SOX6: variants seen among roughly 807,000 people sequenced by gnomAD.
The protein encoded by SOX6 is SRY-box transcription factor 6.
In SOX6, 11 loss-of-function variants were observed where a neutral mutation model predicts 97.8. The ratio of observed to expected loss-of-function variants is 0.11; its 90% CI spans 0.07 to 0.19. The LOEUF (loss-of-function observed/expected upper bound fraction) is 0.19. Among genes scored for constraint, SOX6 ranks in the 10% least tolerant of loss-of-function variants. The pLI, the probability that SOX6 is intolerant of heterozygous loss-of-function variation, is 1.00. For missense variants in SOX6, 810 were observed against 1,039.5 expected (o/e 0.78, Z 3.04); for synonymous variants, 360 against 371.4 (o/e 0.97, Z 0.35).
intron 4 of SOX6, among the ~76,000 whole-genome samples, chr11:16,537,056 C>T (rs942759928): frequency 1.3e-5 from 2 of 152,104 alleles, no homozygotes; most frequent in Non-Finnish European, 2.9e-5. Flanking sequence ...CAGTAGAGGC[C>T]GACAGACACC....
At chr11:16,152,123 C>G (rs1850475114) in intron 6 of SOX6, among the ~76,000 whole-genome samples, 1 of 152,126 alleles carries the variant, frequency 6.6e-6, no homozygotes, top group South Asian at 2.1e-4. Flanking sequence ...AAAACATGTT[C>G]TTTCACCCAC....
chr11:16,599,981 G>A (rs1360235245), intron 4 of SOX6, among the ~76,000 whole-genome samples: 2 of 152,184 alleles, frequency 1.3e-5, no homozygotes, highest in African/African-American at 2.4e-5. Flanking sequence ...TAATGAGGGG[G>A]TAGCTCAAAA....
intron 1 of SOX6, among the ~76,000 whole-genome samples, chr11:16,410,350 T>C (rs1161233871): frequency 1.3e-5 from 2 of 152,078 alleles, no homozygotes; most frequent in Non-Finnish European, 2.9e-5. Context: ...GTGTAGGTCA[T>C]GACAGGCTCT....
chr11:16,310,345 C>G (rs1300198727), intron 3 of SOX6, among the ~76,000 whole-genome samples: 1 of 151,930 alleles, frequency 6.6e-6, no homozygotes, highest in African/African-American at 2.4e-5. Context: ...ATACTTAACA[C>G]GAAAATAGAC....
At chr11:16,320,602 G>A (rs1008150715) in intron 2 of SOX6, among the ~76,000 whole-genome samples, 1 of 152,030 alleles carries the variant, frequency 6.6e-6, no homozygotes, top group African/African-American at 2.4e-5. Context: ...CTTGAAGGAA[G>A]GAACAGATTT....
chr11:16,141,599 G>A (rs1395974384), intron 6 of SOX6, among the ~76,000 whole-genome samples: 1 of 152,154 alleles, frequency 6.6e-6, no homozygotes, highest in Non-Finnish European at 1.5e-5. Context: ...AGGGGTCAGG[G>A]AATTCCCTTT....
intron 3 of SOX6, among the ~76,000 whole-genome samples, chr11:16,304,790 C>G (rs753579141): frequency 3.9e-5 from 6 of 151,996 alleles, no homozygotes; most frequent in African/African-American, 9.7e-5. Context: ...TAGATAATCA[C>G]GTGATTTGCA....
At chr11:16,361,235 C>A (rs1426727338), upstream of SOX6, among the ~76,000 whole-genome samples, 1 of 152,106 alleles carries the variant, frequency 6.6e-6, no homozygotes, top group Non-Finnish European at 1.5e-5. Context: ...GAAGCCCATG[C>A]AGTCTCACTT....
chr11:16,622,567 A>G (rs1044523622), intron 3 of SOX6, among the ~76,000 whole-genome samples: 2 of 152,200 alleles, frequency 1.3e-5, no homozygotes, highest in East Asian at 1.9e-4. Context: ...ATGGTCTCCA[A>G]TTCCATCCAG....
chr11:16,640,725 T>C (rs1259918400), intron 3 of SOX6, among the ~76,000 whole-genome samples: 1 of 152,216 alleles, frequency 6.6e-6, no homozygotes, highest in Non-Finnish European at 1.5e-5. Context: ...TCTCTGATGG[T>C]AGTTTGTATT....
intron 13 of SOX6, among the ~76,000 whole-genome samples, chr11:15,996,270 A>G (rs1854222178): frequency 1.3e-5 from 2 of 152,224 alleles, no homozygotes; most frequent in South Asian, 4.1e-4. Flanking sequence ...TGAAGTGGTA[A>G]AATTTTAACT....
At chr11:16,494,811 A>C (rs1212376508) in intron 4 of SOX6, among the ~76,000 whole-genome samples, 1 of 152,072 alleles carries the variant, frequency 6.6e-6, no homozygotes, top group Non-Finnish European at 1.5e-5. Context: ...GAACTCCTGC[A>C]CTCCTAATCA....
intron 13 of SOX6, among the ~76,000 whole-genome samples, chr11:15,998,648 T>C (rs1170335497): frequency 2.0e-5 from 3 of 152,052 alleles, no homozygotes; most frequent in Admixed American, 1.3e-4. Context: ...GGATTCAAAC[T>C]ACCTTAATGA....
Position 16,182,904 on chromosome 11 carries a change from A to AT in SOX6, c.777+981dup, listed in dbSNP as rs375184805. Reference sequence around the variant, plus strand: ...AGTAAACTATGACCTCATGCTACTGATTTTTTTTTTAAAATACAGAAGGGC... The same window carrying AT: ...AGTAAACTATGACCTCATGCTACTGATTTTTTTTTTTAAAATACAGAAGGGC... On this transcript the variant is annotated intron_variant, in intron 6 of 15. Transcript: ENST00000683767. Among the ~76,000 whole-genome samples, 852 of 150,250 alleles carry AT rather than the reference A, an allele frequency of 5.7e-3. 11 individuals carry two copies. The highest frequency in any genetic ancestry group is 0.019 in the African/African-American group (792 of 41,156).
At chr11:16,204,565 A>G (rs182575225) in intron 4 of SOX6, among the ~76,000 whole-genome samples, 32 of 118,986 alleles carry the variant, frequency 2.7e-4, no homozygotes, top group African/African-American at 8.0e-4. Context: ...AGAAAGAAAA[A>G]GAAAGAAAGA....
intron 12 of SOX6, among the ~76,000 whole-genome samples, chr11:16,029,424 T>C (rs938259976): frequency 6.6e-6 from 1 of 151,488 alleles, no homozygotes; most frequent in Non-Finnish European, 1.5e-5. Flanking sequence ...AATCACAAGG[T>C]CAGGAGTTCA....
At chr11:16,144,798 CAGA>C (rs1332893787) in intron 6 of SOX6, among the ~76,000 whole-genome samples, 2 of 151,904 alleles carry the variant, frequency 1.3e-5, no homozygotes, top group Non-Finnish European at 2.9e-5. Flanking sequence ...AGACTAAACC[CAGA>C]AGAAGTTGAA....
At chr11:16,246,831 C>A (rs901378401) in intron 3 of SOX6, among the ~76,000 whole-genome samples, 1 of 152,032 alleles carries the variant, frequency 6.6e-6, no homozygotes, top group African/African-American at 2.4e-5. Flanking sequence ...TGTTTTGATA[C>A]AAGCATGCAA....
At chr11:16,400,232 T>C (rs879842747) in intron 1 of SOX6, among the ~76,000 whole-genome samples, 1 of 151,446 alleles carries the variant, frequency 6.6e-6, no homozygotes, top group Non-Finnish European at 1.5e-5. Flanking sequence ...ATATAGTATG[T>C]TCAATATTGA....
Sources: gnomAD v4.1 joint callset for allele counts (sites outside exome capture counted in the v4.1 genomes callset) on GRCh38, gnomAD v4.1.1 for gene constraint, MANE v1.5 for transcripts, NCBI Gene and HGNC (gene_info 2026-07-23, HGNC 2026-07-21) for gene names.